GRID2: variants seen among roughly 807,000 people sequenced by gnomAD.
GRID2 encodes the protein glutamate ionotropic receptor delta type subunit 2, also known as glutamate receptor ionotropic, delta-2.
In GRID2, 33 loss-of-function variants were observed where a neutral mutation model predicts 114.8. That is an observed-to-expected ratio of 0.29 (90% confidence interval 0.22 to 0.38). GRID2 has a LOEUF of 0.38. GRID2 is among the 10% of genes least tolerant of loss of function. GRID2 has a pLI of 1.00. For synonymous variants in GRID2, 505 were observed against 449.9 expected, an observed-to-expected ratio of 1.12 and a Z score of -1.55; for missense variants, 1,184 against 1,257.7, an observed-to-expected ratio of 0.94 and a Z score of 0.89.
intron 2 of GRID2, among the ~76,000 whole-genome samples, chr4:92,760,388 TC>T (rs959581455): frequency 2.0e-5 from 3 of 152,042 alleles, no homozygotes; most frequent in African/African-American, 7.2e-5. Flanking sequence ...AGGCTCTCGA[TC>T]CTTTTGGGGA....
intron 1 of GRID2, among the ~76,000 whole-genome samples, chr4:92,455,042 T>G (rs577228337): frequency 6.6e-6 from 1 of 152,186 alleles, no homozygotes; most frequent in Non-Finnish European, 1.5e-5. Flanking sequence ...AACTTCATGA[T>G]TATGGAATGA....
intron 2 of GRID2, among the ~76,000 whole-genome samples, chr4:92,981,970 T>A (rs1399645998): frequency 6.7e-6 from 1 of 148,978 alleles, no homozygotes; most frequent in Non-Finnish European, 1.5e-5. Flanking sequence ...TATGGGAAAT[T>A]TAGTTTATTT....
intron 8 of GRID2, among the ~76,000 whole-genome samples, chr4:93,246,601 A>G (rs1748239710): frequency 6.6e-6 from 1 of 151,180 alleles, no homozygotes; most frequent in East Asian, 1.9e-4. Flanking sequence ...AAAAAAAAAG[A>G]AAAAAAGAAA....
intron 1 of GRID2, among the ~76,000 whole-genome samples, chr4:92,453,572 T>G (rs1579392227): frequency 2.6e-5 from 4 of 152,324 alleles, no homozygotes. Flanking sequence ...CTTATGCATA[T>G]AAAGTTATTT....
intron 1 of GRID2, among the ~76,000 whole-genome samples, chr4:92,496,983 T>TA (rs1369812231): frequency 2.0e-5 from 3 of 151,758 alleles, no homozygotes; most frequent in Non-Finnish European, 4.4e-5. Flanking sequence ...AACAAATAGT[T>TA]AAAATCACAT....
At chr4:92,630,436 T>C (rs1730747576) in intron 2 of GRID2, among the ~76,000 whole-genome samples, 1 of 152,142 alleles carries the variant, frequency 6.6e-6, no homozygotes, top group Non-Finnish European at 1.5e-5. Context: ...GAAAACCTTC[T>C]CACTCTTTAG....
chr4:92,567,564 C>T (rs13101649), intron 1 of GRID2, among the ~76,000 whole-genome samples: 23,403 of 151,906 alleles, frequency 0.15, 2,190 homozygotes, highest in South Asian at 0.26. Flanking sequence ...AAAGTTTCAT[C>T]GGGAAAATAG....
intron 2 of GRID2, among the ~76,000 whole-genome samples, chr4:92,621,046 A>C (rs1730250904): frequency 6.6e-6 from 1 of 151,180 alleles, no homozygotes; most frequent in East Asian, 1.9e-4. Flanking sequence ...ATCAGAGCTG[A>C]GATTTTTTTC....
rs34215461 is a variant in GRID2, at chr4:93,131,145, A to ATTTTTTTTTTTTTTTTTTTTTTTTTTT, written c.735+20216_735+20217insTTTTTTTTTTTTTTTTTTTTTTTTTTT. 9.0e-5 allele frequency among the ~76,000 whole-genome samples: 8 copies of ATTTTTTTTTTTTTTTTTTTTTTTTTTT among 88,752 alleles called. 1 individual carries two copies. Among genetic ancestry groups the ATTTTTTTTTTTTTTTTTTTTTTTTTTT allele is most frequent in the African/African-American group, 2.6e-4 (5 of 19,070 alleles). 58.2% of individuals were successfully genotyped at this position (88,752 alleles called of 152,430 possible). ...AGAACTTCCATGAAAAGATTAAATA[A>ATTTTTTTTTTTTTTTTTTTTTTTTTTT]TTTTTTTTTTTTTTTTTTTTTTTTG... On this transcript the variant is annotated intron_variant, in intron 4 of 15. Transcript: ENST00000282020.
intron 8 of GRID2, among the ~76,000 whole-genome samples, chr4:93,347,999 T>C (rs1448663018): frequency 1.3e-5 from 2 of 152,132 alleles, no homozygotes; most frequent in African/African-American, 4.8e-5. Context: ...TAACATGTCA[T>C]GATAAATCTG....
chr4:93,266,793 A>C (rs1750883448), intron 8 of GRID2, among the ~76,000 whole-genome samples: 1 of 152,202 alleles, frequency 6.6e-6, no homozygotes, highest in African/African-American at 2.4e-5. Flanking sequence ...ATGAAAGCCC[A>C]GAAGTACGTG....
intron 1 of GRID2, among the ~76,000 whole-genome samples, chr4:92,540,926 A>T (rs1725909386): frequency 6.6e-6 from 1 of 152,240 alleles, no homozygotes; most frequent in Non-Finnish European, 1.5e-5. Flanking sequence ...GGATTAAGAA[A>T]ATGTGGCATA....
In GRID2 at chr4:92,493,588, A is replaced by C. The variant is rs562206515; in HGVS notation, c.89-96543A>C. 4.6e-5 allele frequency among the ~76,000 whole-genome samples: 7 copies of C among 152,318 alleles called. No individual in the cohort carries two copies. The South Asian group carries it at 1.2e-3, about 27-fold the overall frequency. ...ATCCTTGTGCATCACTCACATTTCTATCCCACACACTGCTGCTAATCAATT... is the reference window on the plus strand; with the variant it reads ...ATCCTTGTGCATCACTCACATTTCTCTCCCACACACTGCTGCTAATCAATT... On this transcript the variant is annotated intron_variant, in intron 1 of 15. Coordinates refer to ENST00000282020, the MANE Select transcript of GRID2 (RefSeq NM_001510.4).
chr4:92,514,673 C>T (rs946625784), intron 1 of GRID2, among the ~76,000 whole-genome samples: 2 of 151,860 alleles, frequency 1.3e-5, no homozygotes, highest in African/African-American at 4.8e-5. Context: ...CAATTGGTAT[C>T]CATATAGACT....
intron 1 of GRID2, among the ~76,000 whole-genome samples, chr4:92,380,632 A>G (rs564119313): frequency 2.4e-4 from 36 of 152,190 alleles, no homozygotes; most frequent in African/African-American, 8.2e-4. Context: ...AGATTAATAC[A>G]AATTAGTTCT....
chr4:93,526,838 A>C (rs1730955643), intron 13 of GRID2, among the ~76,000 whole-genome samples: 1 of 152,132 alleles, frequency 6.6e-6, no homozygotes, highest in Admixed American at 6.6e-5. Context: ...TAAAAATAAA[A>C]TAAACAGGAG....
intron 14 of GRID2, among the ~76,000 whole-genome samples, chr4:93,631,155 G>T (rs10516928): frequency 0.46 from 69,861 of 151,700 alleles, 16,748 homozygotes; most frequent in East Asian, 0.66. Flanking sequence ...GCTATACTGC[G>T]TTTCACAAAA....
intron 2 of GRID2, among the ~76,000 whole-genome samples, chr4:92,728,818 T>C (rs1271960091): frequency 6.6e-6 from 1 of 151,990 alleles, no homozygotes; most frequent in African/African-American, 2.4e-5. Context: ...AATGATAATA[T>C]GGGTTATCAT....
intron 8 of GRID2, among the ~76,000 whole-genome samples, chr4:93,330,541 T>G (rs1269200404): frequency 6.6e-6 from 1 of 152,192 alleles, no homozygotes; most frequent in Non-Finnish European, 1.5e-5. Context: ...ATATTAATTT[T>G]TAAAGTAATG....
Sources: allele counts gnomAD v4.1 joint callset (sites outside exome capture counted in the v4.1 genomes callset), GRCh38; gene constraint gnomAD v4.1.1; transcripts MANE v1.5; gene names NCBI Gene and HGNC (gene_info 2026-07-23, HGNC 2026-07-21).